The following KCNH8 variants were observed in gnomAD, a reference collection of about 807,000 sequenced individuals.
The protein encoded by KCNH8 is voltage-gated delayed rectifier potassium channel KCNH8.
Under a neutral mutation model 103.6 loss-of-function variants are expected in KCNH8, and 70 were observed. The observed-to-expected ratio is 0.68, with a 90% CI of 0.56 to 0.82. The LOEUF (loss-of-function observed/expected upper bound fraction) is 0.82, where lower values mean the gene tolerates loss of function less well. Among genes scored for constraint, KCNH8 ranks in the 40% least tolerant of loss-of-function variants. KCNH8 has a pLI of 0.00. For missense variants in KCNH8, 1,217 were observed against 1,329.9 expected, an observed-to-expected ratio of 0.92 and a Z score of 1.32; for synonymous variants, 498 against 489.4, an observed-to-expected ratio of 1.02 and a Z score of -0.23.
intron 11 of KCNH8, among the ~76,000 whole-genome samples, chr3:19,463,349 A>G (rs953282872): frequency 2.0e-5 from 3 of 152,124 alleles, no homozygotes; most frequent in Non-Finnish European, 2.9e-5. Flanking sequence ...TACTAGTAGT[A>G]TGCATAAAGT....
At chr3:19,161,439 T>G (rs1297365121) in intron 1 of KCNH8, among the ~76,000 whole-genome samples, 1 of 152,216 alleles carries the variant, frequency 6.6e-6, no homozygotes, top group Non-Finnish European at 1.5e-5. Context: ...GATTCCAAGT[T>G]TTCTTCTGTG....
At chr3:19,378,206 C>A (rs773521951) in intron 5 of KCNH8, among the ~76,000 whole-genome samples, 7 of 152,194 alleles carry the variant, frequency 4.6e-5, no homozygotes, top group Non-Finnish European at 1.0e-4. Flanking sequence ...ATTTTATGGG[C>A]AAACCATAAA....
intron 1 of KCNH8, among the ~76,000 whole-genome samples, chr3:19,211,576 T>G (rs77886737): frequency 0.041 from 6,200 of 152,236 alleles, 447 homozygotes; most frequent in African/African-American, 0.14. Context: ...CTTCAAAATT[T>G]TTTTTACTCA....
intron 5 of KCNH8, among the ~76,000 whole-genome samples, chr3:19,376,877 G>A (rs944371567): frequency 1.4e-4 from 21 of 152,184 alleles, no homozygotes; most frequent in Non-Finnish European, 2.8e-4. Flanking sequence ...AGTGAACAAA[G>A]AGATGTCCAA....
intron 1 of KCNH8, among the ~76,000 whole-genome samples, chr3:19,205,454 T>C (rs955857140): frequency 6.6e-6 from 1 of 152,084 alleles, no homozygotes; most frequent in Non-Finnish European, 1.5e-5. Context: ...CTATTCTAGT[T>C]AATTTTAACA....
intron 3 of KCNH8, among the ~76,000 whole-genome samples, chr3:19,331,106 AT>A (rs1290614582): frequency 6.6e-6 from 1 of 151,784 alleles, no homozygotes; most frequent in Non-Finnish European, 1.5e-5. Flanking sequence ...ACTTTGTATC[AT>A]TTTCTAATAC....
chr3:19,495,914 C>T (rs2068430730), intron 11 of KCNH8, among the ~76,000 whole-genome samples: 1 of 152,070 alleles, frequency 6.6e-6, no homozygotes, highest in Admixed American at 6.6e-5. Context: ...AGATCTTTCA[C>T]CACTCTGGTT....
intron 3 of KCNH8, among the ~76,000 whole-genome samples, chr3:19,308,610 C>T (rs1009001478): frequency 2.1e-5 from 3 of 144,474 alleles, no homozygotes; most frequent in African/African-American, 7.7e-5. Context: ...TTTTTAAATT[C>T]CAACAAGCCC....
rs549878867 is a variant in KCNH8 at position 19,236,272 on chromosome 3, C to T, written c.77-17382C>T. 9.2e-5 allele frequency among the ~76,000 whole-genome samples: 14 copies of T among 152,322 alleles called. 1 individual carries two copies. In the South Asian group the frequency reaches 2.7e-3, roughly 29 times the overall value. On this transcript the variant is annotated intron_variant, in intron 1 of 15. Transcript: ENST00000328405. ...TCTTTGAAGAAGTCTTCATCTGAGTCTTCCTCCGTGTGGGGGTGGGTACAT... is the reference window on the plus strand; with the variant it reads ...TCTTTGAAGAAGTCTTCATCTGAGTTTTCCTCCGTGTGGGGGTGGGTACAT...
At chr3:19,385,472 T>C (rs2066344206) in intron 5 of KCNH8, among the ~76,000 whole-genome samples, 1 of 152,146 alleles carries the variant, frequency 6.6e-6, no homozygotes, top group Non-Finnish European at 1.5e-5. Context: ...TCAATCTACC[T>C]GATTGCCCTT....
intron 1 of KCNH8, among the ~76,000 whole-genome samples, chr3:19,176,435 G>A (rs1165169568): frequency 6.6e-6 from 1 of 152,118 alleles, no homozygotes; most frequent in African/African-American, 2.4e-5. Context: ...GACAGAAAGT[G>A]TTGGATATAT....
intron 3 of KCNH8, among the ~76,000 whole-genome samples, chr3:19,331,354 C>T (rs1186658309): frequency 6.6e-6 from 1 of 151,408 alleles, no homozygotes. Context: ...TGCAATGGTG[C>T]AGTCTCAGCT....
rs530885078 is a variant in KCNH8 at position 19,354,285 on chromosome 3, C to T, written c.811+6320C>T. Among the ~76,000 whole-genome samples the T allele has an allele frequency of 1.1e-4, 17 of 152,170 alleles. 1 individual carries two copies. The South Asian group carries it at 2.3e-3, about 20-fold the overall frequency. ...GCTCATGGATAGGAAGAATCAATATCGTGAAAATGGCCATACTGCCCAAGG... is the reference window on the plus strand; with the variant it reads ...GCTCATGGATAGGAAGAATCAATATTGTGAAAATGGCCATACTGCCCAAGG... On this transcript the variant is annotated intron_variant, in intron 5 of 15. Coordinates refer to ENST00000328405, the MANE Select transcript of KCNH8 (RefSeq NM_144633.3).
chr3:19,494,021 G>C (rs2068382155), intron 11 of KCNH8, among the ~76,000 whole-genome samples: 1 of 152,070 alleles, frequency 6.6e-6, no homozygotes, highest in African/African-American at 2.4e-5. Flanking sequence ...TCACCCTCAA[G>C]TAGGCCCCAG....
chr3:19,496,928 T>C (rs2068454817), intron 11 of KCNH8, among the ~76,000 whole-genome samples: 1 of 152,172 alleles, frequency 6.6e-6, no homozygotes, highest in Non-Finnish European at 1.5e-5. Flanking sequence ...TAGGAGGTTA[T>C]ATGTGTCCAG....
chr3:19,483,493 C>G (rs529251851), intron 11 of KCNH8, among the ~76,000 whole-genome samples: 1 of 152,178 alleles, frequency 6.6e-6, no homozygotes, highest in South Asian at 2.1e-4. Context: ...GGGAATTCAT[C>G]AGGAACTGGG....
chr3:19,370,413 TAAGAA>T (rs1332654303), intron 5 of KCNH8, among the ~76,000 whole-genome samples: 3 of 152,036 alleles, frequency 2.0e-5, no homozygotes, highest in African/African-American at 7.2e-5. Flanking sequence ...AATTGGAACT[TAAGAA>T]AGGTAATTAA....
rs148923493 is a variant in KCNH8, at chr3:19,173,992, C to CT, written c.76+25205dup. 3.3e-5 allele frequency among the ~76,000 whole-genome samples: 5 copies of CT among 149,958 alleles called. No homozygotes were observed. The East Asian group carries it at 9.8e-4, about 29-fold the overall frequency. On this transcript the variant is annotated intron_variant, in intron 1 of 15. Transcript: ENST00000328405. ...GTATCTGTGTGTTATAATCACATTC[C>CT]TTTTTTTTCTCCCCTATTACCACTC... is the stretch of plus-strand genomic sequence containing the variant.
chr3:19,312,791 G>C (rs1478789810), intron 3 of KCNH8, among the ~76,000 whole-genome samples: 2 of 151,902 alleles, frequency 1.3e-5, no homozygotes, highest in Admixed American at 6.6e-5. Context: ...CTTTGAAACT[G>C]TGGAAATCAC....
Sources: gnomAD v4.1 joint callset for allele counts (sites outside exome capture counted in the v4.1 genomes callset) on GRCh38, gnomAD v4.1.1 for gene constraint, MANE v1.5 for transcripts, NCBI Gene and HGNC (gene_info 2026-07-23, HGNC 2026-07-21) for gene names.